Variants in CTNNAL1 observed in about 807,000 individuals in gnomAD.
The protein encoded by CTNNAL1 is catenin alpha like 1, also known as alpha-catulin.
In CTNNAL1, 69 loss-of-function variants were observed where a neutral mutation model predicts 93.6. The observed-to-expected ratio is 0.74, with a 90% confidence interval of 0.61 to 0.90. The LOEUF (loss-of-function observed/expected upper bound fraction) is 0.90. Ranked by LOEUF, CTNNAL1 falls within the 40% of genes least tolerant of loss-of-function variation. CTNNAL1 has a pLI of 0.00. For missense variants in CTNNAL1, 836 were observed against 862.0 expected, an observed-to-expected ratio of 0.97 and a Z score of 0.38; for synonymous variants, 286 against 305.4, an observed-to-expected ratio of 0.94 and a Z score of 0.66.
chr9:108,949,411 T>C (rs984599829), intron 14 of CTNNAL1, among the ~76,000 whole-genome samples: 3 of 152,160 alleles, frequency 2.0e-5, no homozygotes, highest in Non-Finnish European at 2.9e-5. Flanking sequence ...TGCTATAATC[T>C]TTTTTTAAAA....
At chr9:108,952,651 C>T (rs1409080723) in intron 12 of CTNNAL1, among the ~76,000 whole-genome samples, 157 bp from the exon 13 acceptor site, 6 of 152,132 alleles carry the variant, frequency 3.9e-5, no homozygotes, top group Admixed American at 1.3e-4. Context: ...AAGTACTCTA[C>T]TAGTAAGTGA....
chr9:108,961,813 T>G (rs930626181), intron 11 of CTNNAL1, among the ~76,000 whole-genome samples: 1 of 152,202 alleles, frequency 6.6e-6, no homozygotes, highest in African/African-American at 2.4e-5. Context: ...TCTTCTGTAA[T>G]TTAGCTGGCC....
At chr9:109,009,784 T>C (rs1213583513) in intron 1 of CTNNAL1, among the ~76,000 whole-genome samples, 1 of 152,234 alleles carries the variant, frequency 6.6e-6, no homozygotes, top group Non-Finnish European at 1.5e-5. Context: ...ATAACTGATA[T>C]GTCTATAATA....
Position 108,976,577 on chromosome 9 carries a change from C to CTGAA in CTNNAL1, c.1188+381_1188+384dup, listed in dbSNP as rs527913428. Among the ~76,000 whole-genome samples the CTGAA allele has an allele frequency of 6.0e-3, 911 of 151,924 alleles. 3 individuals carry two copies. The highest frequency in any genetic ancestry group is 0.048 in the Middle Eastern group (14 of 294). ...ACACAGTCTCACTCTGGCACCCAGG[C>CTGAA]TGAAGTGCAGTAGCGCGATCATGGC... On this transcript the variant is annotated intron_variant, in intron 8 of 18. Transcript: ENST00000325551.
At chr9:108,992,893 G>C in intron 2 of CTNNAL1, 74 bp from the exon 3 acceptor site, 1 of 1,456,550 alleles carries the variant, frequency 6.9e-7, no homozygotes, top group Non-Finnish European at 9.1e-7. Flanking sequence ...TAACCTTGAA[G>C]GTAAGGCACA....
At chr9:108,972,864 G>GGGGGCGCCCCCCCCC in intron 8 of CTNNAL1, 31 bp from the exon 9 acceptor site, 8 of 142,522 alleles carry the variant, frequency 5.6e-5, no homozygotes, top group Non-Finnish European at 8.1e-5. Flanking sequence ...GGGGGGGTGG[G>GGGGGCGCCCCCCCCC]AGGGTGGAGA....
chr9:108,979,609 C>A, intron 6 of CTNNAL1, 128 bp from the exon 7 acceptor site: 1 of 806,124 alleles, frequency 1.2e-6, no homozygotes, highest in East Asian at 2.7e-5. Context: ...AGGGGAAATA[C>A]AGCCACCAAT....
chr9:108,958,211 T>C (rs1830735075), intron 11 of CTNNAL1, among the ~76,000 whole-genome samples: 1 of 152,128 alleles, frequency 6.6e-6, no homozygotes, highest in Non-Finnish European at 1.5e-5. Flanking sequence ...AACTTAGTAA[T>C]CATCTATAGT....
chr9:108,971,441 T>C (rs1429096166), intron 9 of CTNNAL1, among the ~76,000 whole-genome samples: 1 of 152,238 alleles, frequency 6.6e-6, no homozygotes, highest in African/African-American at 2.4e-5. Context: ...TCACCTTGAA[T>C]TGGTAATAAT....
Position 108,977,019 on chromosome 9 carries a change from T to G in CTNNAL1, c.1131A>C (p.Glu377Asp). 6.5e-7 allele frequency: 1 copy of G among 1,538,884 alleles called. No individual in the cohort carries two copies. The highest frequency in any genetic ancestry group is 1.3e-5 in the South Asian group (1 of 79,966). The change falls in exon 8 of 19, where the codon GAA (glutamate) becomes GAC (aspartate). Residue 377 changes from glutamate (E) to aspartate (D), a missense_variant. By Grantham distance (45) the Glu-to-Asp change is conservative. Transcript: ENST00000325551. ...AQSKKTKSIA[E>D]ELELSILKIS... is the part of the protein sequence containing the mutation. Reference sequence around the variant, plus strand: ...TTTTCAAAATACTGAGTTCCAGTTCTTCAGCGATGCTTTTTGTTTTCTTGC... The same window carrying G: ...TTTTCAAAATACTGAGTTCCAGTTCGTCAGCGATGCTTTTTGTTTTCTTGC...
intron 11 of CTNNAL1, among the ~76,000 whole-genome samples, chr9:108,961,758 G>GC (rs1196495508): frequency 1.3e-5 from 2 of 152,130 alleles, no homozygotes; most frequent in Non-Finnish European, 2.9e-5. Context: ...ACTCAAAAGG[G>GC]CAGGTAATGT....
Position 108,943,944 on chromosome 9 carries a change from T to C in CTNNAL1, c.1941+18A>G, listed in dbSNP as rs1830322880. 3 of 1,612,210 alleles carry C rather than the reference T, an allele frequency of 1.9e-6. No homozygotes were observed. Among genetic ancestry groups the C allele is most frequent in the Non-Finnish European group, 2.5e-6 (3 of 1,178,994 alleles). On this transcript the variant is annotated intron_variant, in intron 16 of 18. Coordinates refer to ENST00000325551, the MANE Select transcript of CTNNAL1 (RefSeq NM_003798.4). ...ACATAATACCACCACCAGCTCCAGG[T>C]AGGTAGACATGTGTTACCTGTTTTG...
chr9:108,949,482 C>A (rs1244038632), intron 14 of CTNNAL1, among the ~76,000 whole-genome samples: 1 of 152,132 alleles, frequency 6.6e-6, no homozygotes, highest in Non-Finnish European at 1.5e-5. Flanking sequence ...CCAAGGTGGG[C>A]AGATCACTTG....
intron 10 of CTNNAL1, among the ~76,000 whole-genome samples, chr9:108,969,295 G>C (rs1831043607): frequency 6.6e-6 from 1 of 151,618 alleles, no homozygotes; most frequent in Non-Finnish European, 1.5e-5. Context: ...AGGAAGCTCT[G>C]TCTTTAACCA....
intron 8 of CTNNAL1, 35 bp from the exon 9 acceptor site, chr9:108,972,868 G>GTGCCCCCGGGC: frequency 9.2e-7 from 1 of 1,092,792 alleles, no homozygotes; most frequent in Non-Finnish European, 1.2e-6. Context: ...GGGTGGGAGG[G>GTGCCCCCGGGC]TGGAGAAGGA....
intron 12 of CTNNAL1, 32 bp from the exon 13 acceptor site, chr9:108,952,526 A>C (rs1830591960): frequency 6.2e-7 from 1 of 1,612,536 alleles, no homozygotes; most frequent in South Asian, 1.1e-5. Flanking sequence ...GATTATCTTA[A>C]AAAGCAGTAC....
chr9:108,964,466 C>G (rs1362447522), intron 11 of CTNNAL1, among the ~76,000 whole-genome samples: 2 of 151,988 alleles, frequency 1.3e-5, no homozygotes, highest in Non-Finnish European at 2.9e-5. Context: ...ACAGGACACA[C>G]AGTACAATGG....
At chr9:108,998,757 T>C (rs190256149) in intron 2 of CTNNAL1, among the ~76,000 whole-genome samples, 11 of 152,302 alleles carry the variant, frequency 7.2e-5, no homozygotes, top group Middle Eastern at 3.4e-3. Context: ...TCCTATGTCA[T>C]GGAAAGTAGA....
chr9:108,985,523 T>C (rs1487258809), intron 4 of CTNNAL1, among the ~76,000 whole-genome samples: 1 of 152,180 alleles, frequency 6.6e-6, no homozygotes, highest in Non-Finnish European at 1.5e-5. Context: ...CACAATAATA[T>C]CACTCTCACT....
Sources: gnomAD v4.1 joint callset for allele counts (sites outside exome capture counted in the v4.1 genomes callset) on GRCh38, gnomAD v4.1.1 for gene constraint, MANE v1.5 for transcripts, NCBI Gene and HGNC (gene_info 2026-07-23, HGNC 2026-07-21) for gene names.